KIAA1958: variants seen among roughly 807,000 people sequenced by gnomAD.
KIAA1958 encodes uncharacterized protein KIAA1958.
Under a neutral mutation model 47.2 loss-of-function variants are expected in KIAA1958, and 14 were observed. The observed-to-expected ratio is 0.30, with a 90% CI of 0.20 to 0.46. KIAA1958 has a LOEUF of 0.46. KIAA1958 is among the 20% of genes least tolerant of loss of function. The pLI, the probability that KIAA1958 is intolerant of heterozygous loss-of-function variation, is 1.00. For missense variants in KIAA1958, 803 were observed against 909.2 expected (o/e 0.88, Z 1.50); for synonymous variants, 354 against 353.3 (o/e 1.00, Z -0.02).
chr9:112,522,300 A>AG (rs1408644288), intron 1 of KIAA1958, among the ~76,000 whole-genome samples: 1 of 152,238 alleles, frequency 6.6e-6, no homozygotes, highest in Non-Finnish European at 1.5e-5. Context: ...AAGAAACTGT[A>AG]GACCACCTTT....
intron 2 of KIAA1958, among the ~76,000 whole-genome samples, chr9:112,575,924 C>G (rs1485743510): frequency 6.6e-6 from 1 of 152,120 alleles, no homozygotes; most frequent in East Asian, 1.9e-4. Context: ...TTCTGACATT[C>G]AATGTTTATT....
intron 2 of KIAA1958, among the ~76,000 whole-genome samples, chr9:112,587,149 T>C (rs1215890401): frequency 6.6e-6 from 1 of 152,196 alleles, no homozygotes; most frequent in Non-Finnish European, 1.5e-5. Flanking sequence ...AGTATTTTTA[T>C]TTTATTAATA....
Position 112,618,575 on chromosome 9 carries a change from C to T in KIAA1958, c.1172-27075C>T. 2 of 1,550,648 alleles carry T rather than the reference C, an allele frequency of 1.3e-6. No individual in the cohort carries two copies. The highest frequency in any genetic ancestry group is 1.7e-6 in the Non-Finnish European group (2 of 1,147,002). ...CCAGGACTATAAGGAGTATGCCCAG[C>T]GGCGGCCTCCCGCCATGCGCTACGA... is the stretch of plus-strand genomic sequence containing the variant. On this transcript the variant is annotated intron_variant, in intron 2 of 3. Coordinates refer to ENST00000337530, the MANE Select transcript of KIAA1958 (RefSeq NM_133465.4). The surrounding 1 kb of genome is among the most constrained non-coding windows in gnomAD (Gnocchi z 7.1).
At chr9:112,620,577 TG>T (rs1836486851) in intron 2 of KIAA1958, among the ~76,000 whole-genome samples, 1 of 152,196 alleles carries the variant, frequency 6.6e-6, no homozygotes, top group Admixed American at 6.5e-5. Flanking sequence ...CCATGGACTT[TG>T]TGTCGTGGAG....
intron 1 of KIAA1958, among the ~76,000 whole-genome samples, chr9:112,527,663 TG>T: frequency 6.6e-6 from 1 of 152,074 alleles, no homozygotes; most frequent in Non-Finnish European, 1.5e-5. Flanking sequence ...CTGGGCGTGG[TG>T]GCTCACTCAC....
intron 2 of KIAA1958, among the ~76,000 whole-genome samples, chr9:112,625,504 G>T (rs765689794): frequency 3.3e-5 from 5 of 152,012 alleles, no homozygotes; most frequent in Non-Finnish European, 5.9e-5. Flanking sequence ...GGAGGTGAAT[G>T]CCCAGGTGCT....
Position 112,600,301 on chromosome 9 carries a change from G to A in KIAA1958, c.1171+25050G>A, listed in dbSNP as rs147356215. Among the ~76,000 whole-genome samples, 107 of 152,182 alleles carry A rather than the reference G, an allele frequency of 7.0e-4. 1 individual carries two copies. The highest frequency in any genetic ancestry group is 2.4e-3 in the African/African-American group (100 of 41,534). On this transcript the variant is annotated intron_variant, in intron 2 of 3. Transcript: ENST00000337530. The stretch of plus-strand genomic sequence containing the variant: ...TCACCTAATGTTGCATCTCCTCCAC[G>A]TGTGAAGCCTGTTTGAATTCACTCC...
chr9:112,573,043 T>G (rs1380477782), intron 1 of KIAA1958, among the ~76,000 whole-genome samples: 1 of 152,130 alleles, frequency 6.6e-6, no homozygotes, highest in Non-Finnish European at 1.5e-5. Context: ...CCCTGACCAG[T>G]GCTCCCAGGA....
At chr9:112,613,550 A>C (rs1055306415) in intron 2 of KIAA1958, among the ~76,000 whole-genome samples, 1 of 152,218 alleles carries the variant, frequency 6.6e-6, no homozygotes, top group Non-Finnish European at 1.5e-5. Flanking sequence ...TGAAAAGGCA[A>C]GCCACAGATT....
At chr9:112,594,527 A>G (rs774865018) in intron 2 of KIAA1958, among the ~76,000 whole-genome samples, 3 of 152,200 alleles carry the variant, frequency 2.0e-5, no homozygotes, top group African/African-American at 7.2e-5. Context: ...ATGTTTCAAG[A>G]TATACCTGTG....
chr9:112,620,800 GA>G (rs140344058), intron 2 of KIAA1958, among the ~76,000 whole-genome samples: 2,267 of 144,006 alleles, frequency 0.016, 26 homozygotes, highest in African/African-American at 0.038. Context: ...TAAAAAAAAA[GA>G]AAAAAAAAAT....
intron 2 of KIAA1958, among the ~76,000 whole-genome samples, chr9:112,609,676 C>T (rs1213539068): frequency 6.6e-6 from 1 of 152,090 alleles, no homozygotes; most frequent in East Asian, 1.9e-4. Context: ...CTTAACCTCT[C>T]AGGTATCTAG....
At chr9:112,542,224 G>A (rs1834956699) in intron 1 of KIAA1958, among the ~76,000 whole-genome samples, 1 of 151,914 alleles carries the variant, frequency 6.6e-6, no homozygotes, top group Non-Finnish European at 1.5e-5. Context: ...ATGATATATT[G>A]ATCTTTATTA....
intron 2 of KIAA1958, among the ~76,000 whole-genome samples, chr9:112,578,692 A>G (rs897310416): frequency 7.9e-5 from 12 of 152,144 alleles, no homozygotes; most frequent in South Asian, 2.1e-4. Flanking sequence ...TTTCATGTCA[A>G]TCCTGCCATA....
At chr9:112,487,754 G>A (rs1249750749) in intron 1 of KIAA1958, among the ~76,000 whole-genome samples, 1 of 152,038 alleles carries the variant, frequency 6.6e-6, no homozygotes, top group African/African-American at 2.4e-5. Flanking sequence ...AGTGATTTGT[G>A]TTTGTTATCA....
rs1836111649 is a variant in KIAA1958 at position 112,600,510 on chromosome 9, A to C, written c.1171+25259A>C. Reference sequence around the variant, plus strand: ...TTGTTTAGAACTGTACTGAATTCATACAGTCACATAGTGTCTCTTCTTACA... The same window carrying C: ...TTGTTTAGAACTGTACTGAATTCATCCAGTCACATAGTGTCTCTTCTTACA... On this transcript the variant is annotated intron_variant, in intron 2 of 3. Transcript: ENST00000337530. Among the ~76,000 whole-genome samples the C allele has an allele frequency of 2.6e-5, 4 of 152,346 alleles. No homozygotes were observed. The South Asian group carries it at 8.3e-4, about 32-fold the overall frequency.
At chr9:112,568,757 G>A (rs954790880) in intron 1 of KIAA1958, among the ~76,000 whole-genome samples, 1 of 151,060 alleles carries the variant, frequency 6.6e-6, no homozygotes, top group East Asian at 1.9e-4. Context: ...GTGTGGTGGT[G>A]CGCACCTGTG....
At position 112,656,301 on chromosome 9, in the gene KIAA1958, G is replaced by A. The variant is rs553487351; in HGVS notation, c.1345-2962G>A. Among the ~76,000 whole-genome samples the A allele has an allele frequency of 1.6e-4, 24 of 149,160 alleles. No individual in the cohort carries two copies. The East Asian group carries it at 4.7e-3, about 29-fold the overall frequency. On this transcript the variant is annotated intron_variant, in intron 3 of 3. Coordinates refer to ENST00000337530, the MANE Select transcript of KIAA1958 (RefSeq NM_133465.4). ...AGGCAGGAGAATCACTTGAACCCAG[G>A]AGTTGAGGCTGCAGTGAGCTGAGAT...
intron 2 of KIAA1958, among the ~76,000 whole-genome samples, chr9:112,610,340 A>G (rs1836304855): frequency 6.6e-6 from 1 of 152,044 alleles, no homozygotes; most frequent in Admixed American, 6.5e-5. Context: ...GCAGAAGGAA[A>G]GATAGTTAAC....
Sources: allele counts gnomAD v4.1 joint callset (sites outside exome capture counted in the v4.1 genomes callset), GRCh38; gene constraint gnomAD v4.1.1; non-coding constraint Gnocchi (gnomAD v3.1); transcripts MANE v1.5; gene names NCBI Gene and HGNC (gene_info 2026-07-23, HGNC 2026-07-21).